The following KIF26B variants were observed in gnomAD, a reference collection of about 807,000 sequenced individuals.
KIF26B encodes the protein kinesin family member 26B, also known as kinesin-like protein KIF26B.
KIF26B carries 63 observed loss-of-function variants against 151.2 expected under a neutral mutation model. The observed-to-expected ratio is 0.42, with a 90% CI of 0.34 to 0.51. The LOEUF (loss-of-function observed/expected upper bound fraction) is 0.51. Ranked by LOEUF, KIF26B falls within the 20% of genes least tolerant of loss-of-function variation. The pLI is 0.07. For synonymous variants in KIF26B, 1,357 were observed against 1,262.1 expected, an observed-to-expected ratio of 1.08 and a Z score of -1.59; for missense variants, 2,813 against 2,913.6, an observed-to-expected ratio of 0.97 and a Z score of 0.79.
chr1:245,620,640 G>A (rs61157406), intron 9 of KIF26B, among the ~76,000 whole-genome samples: 42,796 of 151,950 alleles, frequency 0.28, 6,782 homozygotes, highest in East Asian at 0.49. Flanking sequence ...GAGCTCAGGC[G>A]ATCCACCTGC....
intron 2 of KIF26B, among the ~76,000 whole-genome samples, chr1:245,196,794 A>G (rs1181704768): frequency 1.3e-5 from 2 of 152,132 alleles, no homozygotes; most frequent in Non-Finnish European, 2.9e-5. Flanking sequence ...CTTTTAAGGA[A>G]ATGATTGCCG....
chr1:245,390,988 A>T (rs776434162), intron 3 of KIF26B, among the ~76,000 whole-genome samples: 7 of 149,092 alleles, frequency 4.7e-5, no homozygotes, highest in Non-Finnish European at 1.0e-4. Context: ...TTAAAAGATA[A>T]AATTTTGAAA....
intron 10 of KIF26B, among the ~76,000 whole-genome samples, chr1:245,681,923 A>T (rs1053188167): frequency 6.6e-6 from 1 of 152,234 alleles, no homozygotes; most frequent in Non-Finnish European, 1.5e-5. Flanking sequence ...ACAGAAACCT[A>T]AACCATACGT....
In KIF26B at chr1:245,662,977, T is replaced by C. The variant is rs201016456; in HGVS notation, c.2258+16697T>C. Reference sequence around the variant, plus strand: ...AGGTCACCTCTGTCTTTTTTTTTTTTTCTCTCTTATTCTCTTTCCCCTCTT... The same window carrying C: ...AGGTCACCTCTGTCTTTTTTTTTTTCTCTCTCTTATTCTCTTTCCCCTCTT... On this transcript the variant is annotated intron_variant, in intron 10 of 14. Coordinates refer to ENST00000407071, the MANE Select transcript of KIF26B (RefSeq NM_018012.4). Among the ~76,000 whole-genome samples the C allele has an allele frequency of 3.4e-3, 511 of 151,538 alleles. 3 individuals are homozygous for C. Among genetic ancestry groups the C allele is most frequent in the Non-Finnish European group, 4.2e-3 (282 of 67,906 alleles).
intron 12 of KIF26B, among the ~76,000 whole-genome samples, chr1:245,696,610 C>T (rs913289867): frequency 6.6e-6 from 1 of 151,960 alleles, no homozygotes; most frequent in Non-Finnish European, 1.5e-5. Context: ...AACAAACAGT[C>T]AGCTAGCTTG....
intron 2 of KIF26B, among the ~76,000 whole-genome samples, chr1:245,346,350 A>C (rs569706790): frequency 6.6e-6 from 1 of 152,146 alleles, no homozygotes; most frequent in Admixed American, 6.5e-5. Context: ...CTTTGTCCCC[A>C]CACCCTGAAC....
At chr1:245,410,430 GTGT>G (rs1384844179) in intron 3 of KIF26B, among the ~76,000 whole-genome samples, 8 of 152,026 alleles carry the variant, frequency 5.3e-5, no homozygotes, top group African/African-American at 1.7e-4. Context: ...TAACACTCTG[GTGT>G]TGTGGGATTC....
At chr1:245,592,290 C>T (rs954308392) in intron 5 of KIF26B, among the ~76,000 whole-genome samples, 1 of 152,208 alleles carries the variant, frequency 6.6e-6, no homozygotes, top group African/African-American at 2.4e-5. Context: ...GGCCCCACTG[C>T]CCGCCCCAGT....
At chr1:245,280,538 A>AAAAAAAAAG (rs1671024717) in intron 2 of KIF26B, among the ~76,000 whole-genome samples, 3 of 117,000 alleles carry the variant, frequency 2.6e-5, no homozygotes, top group Admixed American at 8.9e-5. Context: ...CTCAAAAAAA[A>AAAAAAAAAG]AAAGAAAAGA....
chr1:245,213,606 G>T (rs147406049), intron 2 of KIF26B, among the ~76,000 whole-genome samples: 1 of 152,354 alleles, frequency 6.6e-6, no homozygotes, highest in Non-Finnish European at 1.5e-5. Flanking sequence ...TCCTTTCTGT[G>T]TTAGGAGCAG....
intron 4 of KIF26B, among the ~76,000 whole-genome samples, chr1:245,448,784 G>A (rs1166430287): frequency 6.6e-6 from 1 of 152,166 alleles, no homozygotes; most frequent in Non-Finnish European, 1.5e-5. Context: ...GAATCCTCTT[G>A]CATAACACAA....
intron 10 of KIF26B, among the ~76,000 whole-genome samples, chr1:245,675,419 C>T (rs2147944686): frequency 6.6e-6 from 1 of 152,304 alleles, no homozygotes; most frequent in South Asian, 2.1e-4. Context: ...TCAGGTATGG[C>T]CCATCCTACC....
At chr1:245,569,162 A>G (rs1279384190) in intron 5 of KIF26B, among the ~76,000 whole-genome samples, 1 of 152,158 alleles carries the variant, frequency 6.6e-6, no homozygotes, top group Non-Finnish European at 1.5e-5. Context: ...TTTGAATTTG[A>G]AGCCAGAGAA....
At chr1:245,594,838 T>C (rs1282132411) in intron 5 of KIF26B, among the ~76,000 whole-genome samples, 2 of 152,250 alleles carry the variant, frequency 1.3e-5, no homozygotes, top group Non-Finnish European at 1.5e-5. Flanking sequence ...TCCTCTCTTA[T>C]TTTCTTGAGC....
At chr1:245,544,918 C>A (rs1462001002) in intron 5 of KIF26B, among the ~76,000 whole-genome samples, 1 of 152,166 alleles carries the variant, frequency 6.6e-6, no homozygotes, top group Non-Finnish European at 1.5e-5. Context: ...CCAGCCACCA[C>A]CAGGGAGTCA....
intron 12 of KIF26B, among the ~76,000 whole-genome samples, chr1:245,692,543 G>A (rs1048238620): frequency 6.6e-6 from 1 of 152,042 alleles, no homozygotes; most frequent in Non-Finnish European, 1.5e-5. Flanking sequence ...TGGCCTGTGG[G>A]CGACACAGCG....
chr1:245,521,379 C>T (rs1661105497), intron 4 of KIF26B, among the ~76,000 whole-genome samples: 1 of 151,540 alleles, frequency 6.6e-6, no homozygotes, highest in Admixed American at 6.6e-5. Context: ...TCTCATGCTT[C>T]TATACAATAA....
intron 4 of KIF26B, among the ~76,000 whole-genome samples, chr1:245,440,406 T>C (rs1029350623): frequency 1.9e-4 from 29 of 152,166 alleles, no homozygotes; most frequent in African/African-American, 6.0e-4. Context: ...CATTAAGTTT[T>C]GGAACTATCT....
Position 245,227,339 on chromosome 1 carries a change from T to A in KIF26B, c.465+70656T>A, listed in dbSNP as rs1226967134. Among the ~76,000 whole-genome samples the A allele has an allele frequency of 6.6e-6, 1 of 152,198 alleles. No homozygotes were observed. On this transcript the variant is annotated intron_variant, in intron 2 of 14. Transcript: ENST00000407071. This position sits in a 1 kb window ranked among gnomAD's most constrained non-coding sequence, Gnocchi z 4.1. Reference sequence around the variant, plus strand: ...CTAAAATTAGCAGTGTAACAAAACTTCCCATGTGATGTAGCACAGGTTGAT... The same window carrying A: ...CTAAAATTAGCAGTGTAACAAAACTACCCATGTGATGTAGCACAGGTTGAT...
Sources: gnomAD v4.1 joint callset for allele counts (sites outside exome capture counted in the v4.1 genomes callset) on GRCh38, gnomAD v4.1.1 for gene constraint, Gnocchi (gnomAD v3.1) non-coding constraint, MANE v1.5 for transcripts, NCBI Gene and HGNC (gene_info 2026-07-23, HGNC 2026-07-21) for gene names.